ERLIN1: variants seen among roughly 807,000 people sequenced by gnomAD.
ERLIN1 encodes the protein ER lipid raft associated 1.
In ERLIN1, 24 loss-of-function variants were observed where a neutral mutation model predicts 46.9. The ratio of observed to expected loss-of-function variants is 0.51; its 90% CI spans 0.37 to 0.72. The LOEUF (loss-of-function observed/expected upper bound fraction) is 0.72, where lower values mean the gene tolerates loss of function less well. Ranked by LOEUF, ERLIN1 falls within the 30% of genes least tolerant of loss-of-function variation. The pLI, the probability that ERLIN1 is intolerant of heterozygous loss-of-function variation, is 0.00. For synonymous variants in ERLIN1, 158 were observed against 143.2 expected, an observed-to-expected ratio of 1.10 and a Z score of -0.74; for missense variants, 293 against 417.9, an observed-to-expected ratio of 0.70 and a Z score of 2.61.
intron 3 of ERLIN1, 67 bp from the exon 4 acceptor site, chr10:100,178,261 TG>T: frequency 1.0e-6 from 1 of 983,840 alleles, no homozygotes; most frequent in Non-Finnish European, 1.5e-6. Flanking sequence ...TAGATAGACC[TG>T]GGGAGAAGCT....
chr10:100,166,976 A>G (rs1381508562), intron 7 of ERLIN1, among the ~76,000 whole-genome samples: 1 of 152,212 alleles, frequency 6.6e-6, no homozygotes, highest in Non-Finnish European at 1.5e-5. Flanking sequence ...TACCATTACA[A>G]CACAGAAACA....
At chr10:100,152,478 G>A (rs1842860093) in intron 10 of ERLIN1, 126 bp from the exon 11 acceptor site, 3 of 671,268 alleles carry the variant, frequency 4.5e-6, no homozygotes, top group Non-Finnish European at 8.1e-6. Flanking sequence ...AACTGCCAAT[G>A]ACCCTCTCTC....
At chr10:100,180,980 T>C (rs538133466) in intron 2 of ERLIN1, among the ~76,000 whole-genome samples, 225 of 152,242 alleles carry the variant, frequency 1.5e-3, no homozygotes, top group Non-Finnish European at 2.7e-3. Flanking sequence ...GGGGAAAGAA[T>C]AAAAAATAAC....
chr10:100,173,491 A>G (rs1247463953), intron 6 of ERLIN1, among the ~76,000 whole-genome samples: 1 of 152,178 alleles, frequency 6.6e-6, no homozygotes, highest in African/African-American at 2.4e-5. Context: ...TTTATTTAAA[A>G]TGCTGTTCAT....
intron 6 of ERLIN1, among the ~76,000 whole-genome samples, chr10:100,167,754 A>C (rs912364981): frequency 3.9e-5 from 6 of 152,260 alleles, no homozygotes; most frequent in African/African-American, 1.4e-4. Context: ...AAACCAAAGA[A>C]GCCGGGAAGG....
intron 5 of ERLIN1, among the ~76,000 whole-genome samples, chr10:100,175,388 T>G (rs546778002): frequency 6.6e-6 from 1 of 152,286 alleles, no homozygotes; most frequent in African/African-American, 2.4e-5. Flanking sequence ...CAGCCCCCAG[T>G]GAAAACCCTG....
intron 7 of ERLIN1, 82 bp downstream of exon 7, chr10:100,167,266 C>T: frequency 1.0e-6 from 1 of 999,852 alleles, no homozygotes; most frequent in South Asian, 1.3e-5. Flanking sequence ...AGTGTATTGT[C>T]TCACATGTTT....
At chr10:100,172,542 G>A (rs1844062553) in intron 6 of ERLIN1, among the ~76,000 whole-genome samples, 2 of 152,140 alleles carry the variant, frequency 1.3e-5, no homozygotes, top group Admixed American at 1.3e-4. Flanking sequence ...ATCAGCAGAA[G>A]ACAGTATAAA....
At chr10:100,174,100 A>G in intron 6 of ERLIN1, 108 bp downstream of exon 6, 1 of 710,886 alleles carries the variant, frequency 1.4e-6, no homozygotes, top group Non-Finnish European at 2.4e-6. Flanking sequence ...TATTCTATAA[A>G]TCACCATAGC....
rs1423808095 is a variant in ERLIN1 at position 100,152,053 on chromosome 10, G to A, written c.*78C>T. 3.4e-6 allele frequency: 3 copies of A among 893,324 alleles called. No homozygotes were observed. The Admixed American group carries it at 5.8e-5, about 17-fold the overall frequency. The allele number at this position is 893,324 out of a possible 1,614,324, so 55.3% of individuals were successfully genotyped here. On this transcript the variant is annotated 3_prime_UTR_variant, in exon 11 of 11. Transcript: ENST00000421367. ...TGAAGTGTAAGTTCTCTGTAAATCT[G>A]AAGAGTCCGTATAATGATTGTTCCC...
chr10:100,152,434 T>C (rs1454360877), intron 10 of ERLIN1, 82 bp from the exon 11 acceptor site: 8 of 840,336 alleles, frequency 9.5e-6, no homozygotes, highest in Non-Finnish European at 1.7e-5. Context: ...ATTTCACCTA[T>C]TGCTCTCCTG....
At chr10:100,161,700 TAAAAC>T (rs1460705631) in intron 8 of ERLIN1, among the ~76,000 whole-genome samples, 4 of 151,944 alleles carry the variant, frequency 2.6e-5, no homozygotes, top group African/African-American at 9.7e-5. Context: ...CTACAATAAT[TAAAAC>T]AAATTAATAT....
rs140620682 is a variant in ERLIN1, at chr10:100,185,560, C to T, written c.67G>A (p.Ala23Thr). 5.6e-5 allele frequency: 91 copies of T among 1,614,000 alleles called. No individual in the cohort carries two copies. In the African/African-American group the frequency reaches 9.1e-4, roughly 16 times the overall value. Residue 23 changes from alanine (A) to threonine (T), a missense_variant, in exon 1 of 11, where the codon GCC becomes ACC. Ala to Thr is a moderately conservative substitution (Grantham distance 58, BLOSUM62 0). Around this residue, in one of 3 missense-constraint regions of ERLIN1, gnomAD observed 76 missense variants for 77.0 expected, o/e 0.99. Transcript: ENST00000421367. ...CCCTCCTCAATCTTGTGGATGGAGG[C>T]GTAGAGCAGGACAGCCACCAACCCC... is the stretch of plus-strand genomic sequence containing the variant. ...VVGLVAVLLY[A>T]SIHKIEEGHL...
At chr10:100,159,197 G>T (rs1268021485) in intron 8 of ERLIN1, among the ~76,000 whole-genome samples, 1 of 152,094 alleles carries the variant, frequency 6.6e-6, no homozygotes, top group Non-Finnish European at 1.5e-5. Context: ...TAGGGATAAA[G>T]ATTATTACAA....
rs753055979 is a variant in ERLIN1 at position 100,150,441 on chromosome 10, G to A, written c.*1690C>T. On this transcript the variant is annotated 3_prime_UTR_variant, in exon 11 of 11. Transcript: ENST00000421367. ...CAACAATCATCTGCAGCAACAATTC[G>A]ACAGGTAAAGATTTTATTTTTATAA... The A allele has an allele frequency of 2.0e-5, 3 of 152,574 alleles. No individual in the cohort carries two copies. Among genetic ancestry groups the A allele is most frequent in the African/African-American group, 4.8e-5 (2 of 41,412 alleles). The allele number at this position is 152,574 out of a possible 1,614,324, so 9.5% of individuals were successfully genotyped here. A position where few individuals can be genotyped will look rare whatever the true frequency, so the allele number is the denominator to read the frequency against.
intron 2 of ERLIN1, among the ~76,000 whole-genome samples, chr10:100,180,963 T>G (rs905616274): frequency 3.9e-5 from 6 of 152,156 alleles, no homozygotes; most frequent in African/African-American, 1.2e-4. Context: ...GATATAAAAT[T>G]CCAGGAGGGG....
At chr10:100,169,498 T>C (rs1843864262) in intron 6 of ERLIN1, among the ~76,000 whole-genome samples, 1 of 151,126 alleles carries the variant, frequency 6.6e-6, no homozygotes, top group Non-Finnish European at 1.5e-5. Context: ...TATAAATATA[T>C]GGAAAGGAAA....
At chr10:100,156,123 T>C (rs1242965524) in intron 9 of ERLIN1, 22 bp downstream of exon 9, 7 of 1,535,864 alleles carry the variant, frequency 4.6e-6, no homozygotes, top group Non-Finnish European at 6.3e-6. Context: ...AGGCAGAGCT[T>C]CATCCTCTCC....
chr10:100,182,960 G>C (rs547229350), intron 2 of ERLIN1, among the ~76,000 whole-genome samples: 1 of 152,252 alleles, frequency 6.6e-6, no homozygotes, highest in East Asian at 1.9e-4. Context: ...ATCTAAAAGG[G>C]GACAGGAAGA....
Sources: gnomAD v4.1 joint callset for allele counts (sites outside exome capture counted in the v4.1 genomes callset) on GRCh38, gnomAD v4.1.1 for gene constraint, gnomAD v4.1.1 regional missense constraint, MANE v1.5 for transcripts, NCBI Gene and HGNC (gene_info 2026-07-23, HGNC 2026-07-21) for gene names.